GNG2: variants seen among roughly 807,000 people sequenced by gnomAD.
GNG2 encodes the protein G protein subunit gamma 2, also known as guanine nucleotide-binding protein G(I)/G(S)/G(O) subunit gamma-2.
GNG2 carries 5 observed loss-of-function variants against 5.5 expected under a neutral mutation model. The observed-to-expected ratio is 0.91, with a 90% CI of 0.48 to 1.92. The LOEUF is 1.92. GNG2 is among the 30% of genes most tolerant of loss of function. The pLI is 0.01. For synonymous variants in GNG2, 28 were observed against 32.0 expected, an observed-to-expected ratio of 0.88 and a Z score of 0.42; for missense variants, 55 against 88.4, an observed-to-expected ratio of 0.62 and a Z score of 1.52.
At chr14:51,876,425 A>G (rs2140131846) in intron 1 of GNG2, among the ~76,000 whole-genome samples, 1 of 152,284 alleles carries the variant, frequency 6.6e-6, no homozygotes, top group Admixed American at 6.5e-5. Context: ...CTGAGAACAT[A>G]TTTGGGTCCC....
In GNG2 at chr14:51,968,248, T is replaced by G. The variant is rs1356790202; in HGVS notation, c.*1561T>G. On this transcript the variant is annotated 3_prime_UTR_variant, in exon 4 of 4. Transcript: ENST00000556766. ...TTGATCACCTTTTTCTGTGTCATTT[T>G]CAGTCAAAGAGGGCCTCTCTTACAT... 6.6e-6 allele frequency: 1 copy of G among 152,184 alleles called. No homozygotes were observed. The highest frequency in any genetic ancestry group is 2.4e-5 in the African/African-American group (1 of 41,436). The allele number at this position is 152,184 out of a possible 1,614,324, so 9.4% of individuals were successfully genotyped here. A position where few individuals can be genotyped will look rare whatever the true frequency, so the allele number is the denominator to read the frequency against.
intron 2 of GNG2, among the ~76,000 whole-genome samples, chr14:51,829,822 T>C (rs1881132565): frequency 1.3e-5 from 2 of 149,540 alleles, no homozygotes; most frequent in Non-Finnish European, 3.0e-5. Context: ...CCTATGCTCC[T>C]AGTTGATCAC....
At chr14:51,832,063 T>C (rs185160588) in intron 2 of GNG2, among the ~76,000 whole-genome samples, 21 of 152,244 alleles carry the variant, frequency 1.4e-4, no homozygotes, top group Admixed American at 2.0e-4. Flanking sequence ...GAGGATCGCT[T>C]GAGCCCAGGA....
At chr14:51,898,776 C>T (rs988922318) in intron 2 of GNG2, among the ~76,000 whole-genome samples, 2 of 152,206 alleles carry the variant, frequency 1.3e-5, no homozygotes, top group Non-Finnish European at 2.9e-5. Flanking sequence ...GCTCCTGGAA[C>T]CAAGGCACTG....
intron 2 of GNG2, among the ~76,000 whole-genome samples, chr14:51,921,166 T>C (rs550668176): frequency 3.9e-5 from 6 of 152,240 alleles, no homozygotes; most frequent in Non-Finnish European, 7.3e-5. Context: ...ATCCCAGCTC[T>C]GTCACCTACC....
intron 2 of GNG2, among the ~76,000 whole-genome samples, chr14:51,925,513 A>G (rs907060121): frequency 3.3e-5 from 5 of 152,162 alleles, no homozygotes; most frequent in African/African-American, 1.2e-4. Context: ...ACAAATTAGG[A>G]AGCGCTCAGA....
At chr14:51,882,770 G>A (rs950753959) in intron 2 of GNG2, among the ~76,000 whole-genome samples, 4 of 152,268 alleles carry the variant, frequency 2.6e-5, no homozygotes, top group African/African-American at 9.6e-5. Context: ...GTCCATTTGG[G>A]AGGCCGAGGC....
intron 2 of GNG2, among the ~76,000 whole-genome samples, chr14:51,889,130 T>G (rs1884662954): frequency 6.8e-6 from 1 of 146,992 alleles, no homozygotes; most frequent in East Asian, 2.1e-4. Flanking sequence ...TTTTTTTTTT[T>G]GAGATGGAGT....
At chr14:51,881,701 CTTTT>C (rs58544362) in intron 2 of GNG2, among the ~76,000 whole-genome samples, 6 of 104,218 alleles carry the variant, frequency 5.8e-5, no homozygotes, top group African/African-American at 2.2e-4. Context: ...AGCTGGAAGA[CTTTT>C]TTTTTTTTTT....
intron 2 of GNG2, among the ~76,000 whole-genome samples, chr14:51,850,839 C>T (rs4299070): frequency 0.3 from 45,233 of 151,908 alleles, 8,296 homozygotes; most frequent in Non-Finnish European, 0.42. Flanking sequence ...GATCAGATCT[C>T]CTGTGAACTC....
rs1886021730 is a variant in GNG2 at position 51,907,731 on chromosome 14, T to C, written c.-30+30074T>C. On this transcript the variant is annotated intron_variant, in intron 2 of 3. Transcript: ENST00000556766. Reference sequence around the variant, plus strand: ...AGGTTTGATAACCAAATTTGATTTCTGGATCCTATGATCCCGGTGATGTCC... The same window carrying C: ...AGGTTTGATAACCAAATTTGATTTCCGGATCCTATGATCCCGGTGATGTCC... 2.0e-5 allele frequency among the ~76,000 whole-genome samples: 3 copies of C among 152,250 alleles called. No individual in the cohort carries two copies. The South Asian group carries it at 6.2e-4, about 32-fold the overall frequency.
chr14:51,935,438 C>A (rs1030258558), intron 2 of GNG2, among the ~76,000 whole-genome samples: 3 of 152,182 alleles, frequency 2.0e-5, no homozygotes, highest in African/African-American at 4.8e-5. Flanking sequence ...CACACACTCC[C>A]ACCCATCCAT....
intron 3 of GNG2, among the ~76,000 whole-genome samples, chr14:51,958,437 G>C (rs564735220): frequency 1.9e-3 from 87 of 46,780 alleles, no homozygotes; most frequent in Non-Finnish European, 6.7e-3. Flanking sequence ...TCTCTCTTCC[G>C]TTCCCCCCCC....
intron 2 of GNG2, among the ~76,000 whole-genome samples, chr14:51,944,329 C>T (rs1186612132): frequency 1.3e-5 from 2 of 152,206 alleles, no homozygotes. Context: ...TGAGGGTTCT[C>T]TTCCTAATTT....
intron 1 of GNG2, among the ~76,000 whole-genome samples, chr14:51,862,277 A>C (rs1313132533): frequency 6.6e-6 from 1 of 152,244 alleles, no homozygotes; most frequent in Non-Finnish European, 1.5e-5. Context: ...AAGTACTGCT[A>C]GTATTGAAAC....
intron 1 of GNG2, among the ~76,000 whole-genome samples, chr14:51,827,154 C>T (rs58582591): frequency 0.34 from 52,209 of 151,864 alleles, 9,278 homozygotes; most frequent in Non-Finnish European, 0.41. Flanking sequence ...GCCCAAGCCA[C>T]ATCCCAGGTG....
chr14:51,887,548 T>C (rs757211520), intron 2 of GNG2, among the ~76,000 whole-genome samples: 1 of 152,198 alleles, frequency 6.6e-6, no homozygotes, highest in Non-Finnish European at 1.5e-5. Flanking sequence ...AAATGTGGAA[T>C]GCTATCCTAA....
intron 1 of GNG2, among the ~76,000 whole-genome samples, chr14:51,871,951 G>A (rs1883323661): frequency 6.6e-6 from 1 of 152,196 alleles, no homozygotes; most frequent in Non-Finnish European, 1.5e-5. Flanking sequence ...GTGGCCACAT[G>A]CCTTGCCTTG....
At chr14:51,894,434 C>T (rs1885057909) in intron 2 of GNG2, among the ~76,000 whole-genome samples, 1 of 152,100 alleles carries the variant, frequency 6.6e-6, no homozygotes, top group Admixed American at 6.5e-5. Flanking sequence ...ATGTCATAAG[C>T]TTGACTTAAG....
Sources: allele counts gnomAD v4.1 joint callset (sites outside exome capture counted in the v4.1 genomes callset), GRCh38; gene constraint gnomAD v4.1.1; transcripts MANE v1.5; gene names NCBI Gene and HGNC (gene_info 2026-07-23, HGNC 2026-07-21).